The following BRINP3 variants were observed in gnomAD, a reference collection of about 807,000 sequenced individuals.
BRINP3 encodes the protein BMP/retinoic acid-inducible neural-specific protein 3.
BRINP3 carries 19 observed loss-of-function variants against 71.0 expected under a neutral mutation model. That is an observed-to-expected ratio of 0.27 (90% CI 0.19 to 0.39). The LOEUF (loss-of-function observed/expected upper bound fraction) is 0.39, where lower values mean the gene tolerates loss of function less well. Among genes scored for constraint, BRINP3 ranks in the 10% least tolerant of loss-of-function variants. BRINP3 has a pLI of 1.00. For synonymous variants in BRINP3, 380 were observed against 337.7 expected, an observed-to-expected ratio of 1.13 and a Z score of -1.37; for missense variants, 959 against 940.8, an observed-to-expected ratio of 1.02 and a Z score of -0.25.
chr1:190,261,584 T>A (rs1481502823), intron 4 of BRINP3, among the ~76,000 whole-genome samples: 2 of 152,144 alleles, frequency 1.3e-5, no homozygotes, highest in African/African-American at 2.4e-5. Context: ...CTGGCATGAT[T>A]TTGTAGATCT....
At chr1:190,383,518 C>A (rs1017238550) in intron 2 of BRINP3, among the ~76,000 whole-genome samples, 2 of 152,012 alleles carry the variant, frequency 1.3e-5, no homozygotes, top group African/African-American at 4.8e-5. Context: ...ATATGAGATT[C>A]ATTTCTGTTA....
intron 6 of BRINP3, among the ~76,000 whole-genome samples, chr1:190,223,442 C>T (rs1169252012): frequency 6.6e-6 from 1 of 151,852 alleles, no homozygotes; most frequent in African/African-American, 2.4e-5. Context: ...GCCAAAAAAG[C>T]ACTTGATAAA....
rs182480746 is a variant in BRINP3, at chr1:190,427,190, T to C, written c.236+27465A>G. 5.3e-5 allele frequency among the ~76,000 whole-genome samples: 8 copies of C among 152,036 alleles called. No homozygotes were observed. In the East Asian group the frequency reaches 1.5e-3, roughly 29 times the overall value. ...AAACTAGACATATTTATAAATAGCG[T>C]ATGTAAAATTGTGTTCTCTACTATT... On this transcript the variant is annotated intron_variant, in intron 2 of 7. Transcript: ENST00000367462.
At chr1:190,102,047 G>C (rs994252048) in intron 7 of BRINP3, among the ~76,000 whole-genome samples, 1 of 152,140 alleles carries the variant, frequency 6.6e-6, no homozygotes, top group South Asian at 2.1e-4. Context: ...TAAGGAGATA[G>C]TATGTAGATT....
intron 1 of BRINP3, among the ~76,000 whole-genome samples, chr1:190,459,540 A>G (rs1676243365): frequency 6.6e-6 from 1 of 152,046 alleles, no homozygotes; most frequent in Non-Finnish European, 1.5e-5. Flanking sequence ...TAAACTTAAT[A>G]TCCTTTAAAG....
chr1:190,383,998 A>G (rs960632504), intron 2 of BRINP3, among the ~76,000 whole-genome samples: 17 of 151,924 alleles, frequency 1.1e-4, no homozygotes, highest in Non-Finnish European at 2.4e-4. Context: ...AAACATTGAG[A>G]CACAGAGAAG....
At position 190,459,154 on chromosome 1, in the gene BRINP3, CTG is replaced by C. The variant is rs1319480779; in HGVS notation, c.-50-4216_-50-4215del. Among the ~76,000 whole-genome samples the C allele has an allele frequency of 3.5e-3, 517 of 148,368 alleles. 3 individuals carry two copies. The highest frequency in any genetic ancestry group is 0.012 in the African/African-American group (478 of 40,432). Reference sequence around the variant, plus strand: ...TTCTCACAAAAAAAAAAAAAAATAACTGTGAAGACCACATCATGATACAAGTT... The same window carrying C: ...TTCTCACAAAAAAAAAAAAAAATAACTGAAGACCACATCATGATACAAGTT... On this transcript the variant is annotated intron_variant, in intron 1 of 7. Coordinates refer to ENST00000367462, the MANE Select transcript of BRINP3 (RefSeq NM_199051.3).
intron 1 of BRINP3, among the ~76,000 whole-genome samples, chr1:190,475,411 A>T (rs547995578): frequency 6.6e-6 from 1 of 152,314 alleles, no homozygotes; most frequent in East Asian, 1.9e-4. Context: ...TTCTGGAAGG[A>T]TGGAAACCCC....
chr1:190,249,387 C>A (rs1204127036), intron 4 of BRINP3, among the ~76,000 whole-genome samples: 1 of 151,716 alleles, frequency 6.6e-6, no homozygotes, highest in Non-Finnish European at 1.5e-5. Context: ...ATTACAGGAT[C>A]ACTTACTATG....
intron 2 of BRINP3, among the ~76,000 whole-genome samples, chr1:190,449,885 T>G (rs913801968): frequency 3.9e-5 from 6 of 152,338 alleles, no homozygotes; most frequent in African/African-American, 1.4e-4. Flanking sequence ...AAAGTCCTTG[T>G]TCCTTGTCAT....
rs745819844 is a variant in BRINP3, at chr1:190,453,201, G to GTTTTT, written c.236+1453_236+1454insAAAAA. Among the ~76,000 whole-genome samples, 224 of 37,878 alleles carry GTTTTT rather than the reference G, an allele frequency of 5.9e-3. 17 individuals are homozygous for GTTTTT. The highest frequency in any genetic ancestry group is 0.01 in the Non-Finnish European group (167 of 16,430). The allele number at this position is 37,878 out of a possible 152,430, so 24.8% of individuals were successfully genotyped here. On this transcript the variant is annotated intron_variant, in intron 2 of 7. Coordinates refer to ENST00000367462, the MANE Select transcript of BRINP3 (RefSeq NM_199051.3). ...CTACTTTTCAGAAAGAAAAACTTTA[G>GTTTTT]TATTTTTTTTTTTTTTTTTTTTTTT...
chr1:190,342,717 A>G (rs943796112), intron 2 of BRINP3: 10 of 151,760 alleles, frequency 6.6e-5, no homozygotes, highest in Non-Finnish European at 1.5e-5. Context: ...TTATGATGTC[A>G]ATCTAAGGGC....
In BRINP3 at chr1:190,329,986, A is replaced by G. The variant is rs533460441; in HGVS notation, c.237-48236T>C. On this transcript the variant is annotated intron_variant, in intron 2 of 7. Coordinates refer to ENST00000367462, the MANE Select transcript of BRINP3 (RefSeq NM_199051.3). ...CCATTCATCATAAAAAAAAAGCCTCAACGTGGATTAAAAATTAAAATATAA... is the reference window on the plus strand; with the variant it reads ...CCATTCATCATAAAAAAAAAGCCTCGACGTGGATTAAAAATTAAAATATAA... 2.4e-4 allele frequency among the ~76,000 whole-genome samples: 37 copies of G among 152,116 alleles called. 1 individual carries two copies. In the South Asian group the frequency reaches 5.8e-3, roughly 24 times the overall value.
At chr1:190,296,632 T>C (rs1392686097) in intron 2 of BRINP3, among the ~76,000 whole-genome samples, 1 of 152,092 alleles carries the variant, frequency 6.6e-6, no homozygotes, top group Non-Finnish European at 1.5e-5. Context: ...AAACTGTCTC[T>C]ATTGCAGATG....
rs149706407 is a variant in BRINP3 at position 190,110,726 on chromosome 1, T to C, written c.1185-11592A>G. Among the ~76,000 whole-genome samples the C allele has an allele frequency of 3.0e-4, 46 of 152,264 alleles. 1 individual carries two copies. The South Asian group carries it at 6.0e-3, about 20-fold the overall frequency. ...ACGGGCAACTCACCTCAGCTGATGT[T>C]TGTGGCCATTAGGAATAGATTTTTA... On this transcript the variant is annotated intron_variant, in intron 7 of 7. Coordinates refer to ENST00000367462, the MANE Select transcript of BRINP3 (RefSeq NM_199051.3).
At chr1:190,104,626 T>A (rs1651984198) in intron 7 of BRINP3, among the ~76,000 whole-genome samples, 1 of 152,076 alleles carries the variant, frequency 6.6e-6, no homozygotes, top group African/African-American at 2.4e-5. Flanking sequence ...AATAACATGA[T>A]CAAGACTATA....
intron 2 of BRINP3, among the ~76,000 whole-genome samples, chr1:190,303,450 A>AAAGC (rs1379893848): frequency 1.2e-4 from 18 of 151,744 alleles, no homozygotes; most frequent in Non-Finnish European, 4.4e-5. Context: ...GGAGAGAGTA[A>AAAGC]AAGCTATAAA....
At chr1:190,152,729 G>T (rs751324052) in intron 7 of BRINP3, among the ~76,000 whole-genome samples, 35 of 151,850 alleles carry the variant, frequency 2.3e-4, no homozygotes, top group Non-Finnish European at 4.3e-4. Context: ...GTGAGAAAAA[G>T]ATGAAGAAAA....
rs768607515 is a variant in BRINP3, at chr1:190,344,390, C to T, written c.237-62640G>A. 7.2e-5 allele frequency among the ~76,000 whole-genome samples: 11 copies of T among 151,908 alleles called. No individual in the cohort carries two copies. In the South Asian group the frequency reaches 8.3e-4, roughly 11 times the overall value. On this transcript the variant is annotated intron_variant, in intron 2 of 7. Coordinates refer to ENST00000367462, the MANE Select transcript of BRINP3 (RefSeq NM_199051.3). ...CTTGATTATTGCCTAGGCAGTTTGA[C>T]GCTACAGAGCTGTACTTCAACTATG...
Sources: allele counts gnomAD v4.1 joint callset (sites outside exome capture counted in the v4.1 genomes callset), GRCh38; gene constraint gnomAD v4.1.1; transcripts MANE v1.5; gene names NCBI Gene and HGNC (gene_info 2026-07-23, HGNC 2026-07-21).